The following PHYHIPL variants were observed in gnomAD, a reference collection of about 807,000 sequenced individuals.
PHYHIPL encodes the protein phytanoyl-CoA hydroxylase-interacting protein-like.
PHYHIPL carries 9 observed loss-of-function variants against 33.4 expected under a neutral mutation model. The ratio of observed to expected loss-of-function variants is 0.27; its 90% CI spans 0.16 to 0.47. PHYHIPL has a LOEUF of 0.47. Among genes scored for constraint, PHYHIPL ranks in the 20% least tolerant of loss-of-function variants. The pLI, the probability that PHYHIPL is intolerant of heterozygous loss-of-function variation, is 0.99. For synonymous variants in PHYHIPL, 153 were observed against 154.1 expected (o/e 0.99, Z 0.05); for missense variants, 365 against 460.7 (o/e 0.79, Z 1.90).
chr10:59,177,359 A>G lies in PHYHIPL; in HGVS notation c.106+400A>G, dbSNP rs538576140. 1.2e-5 allele frequency: 11 copies of G among 909,362 alleles called. No individual in the cohort carries two copies. The Admixed American group carries it at 1.3e-4, about 11-fold the overall frequency. 56.3% of individuals were successfully genotyped at this position (909,362 alleles called of 1,614,324 possible). A position where few individuals can be genotyped will look rare whatever the true frequency, so the allele number is the denominator to read the frequency against. On this transcript the variant is annotated intron_variant, in intron 1 of 4. Coordinates refer to ENST00000373880, the MANE Select transcript of PHYHIPL (RefSeq NM_032439.4). The stretch of plus-strand genomic sequence containing the variant: ...TGTTTCTAGCAACCCCCTTCCCCCA[A>G]CACACACACACTAGTTGGCATTCTC...
At position 59,176,657 on chromosome 10, in the gene PHYHIPL, C is replaced by A. The variant is rs1212631769; in HGVS notation, c.-197C>A. On this transcript the variant is annotated 5_prime_UTR_variant, in exon 1 of 5. Transcript: ENST00000373880. The stretch of plus-strand genomic sequence containing the variant: ...CTCGGTCTCTCAGAGCCGCACACTC[C>A]GCGGAGCTCCTGCCACAGCCGTCGC... The A allele has an allele frequency of 3.6e-6, 2 of 551,962 alleles. No individual in the cohort carries two copies. Among genetic ancestry groups the A allele is most frequent in the African/African-American group, 2.0e-5 (1 of 50,584 alleles). The allele number at this position is 551,962 out of a possible 1,614,324, so 34.2% of individuals were successfully genotyped here.
chr10:59,205,053 C>T (rs953101297), intron 1 of PHYHIPL, among the ~76,000 whole-genome samples: 2 of 152,112 alleles, frequency 1.3e-5, no homozygotes, highest in African/African-American at 4.8e-5. Flanking sequence ...CAGGGTTTTG[C>T]CATGTTGGCC....
intron 1 of PHYHIPL, among the ~76,000 whole-genome samples, chr10:59,178,874 T>C (rs1007834326): frequency 2.6e-5 from 4 of 152,162 alleles, no homozygotes; most frequent in Non-Finnish European, 4.4e-5. Context: ...TTATGTAACA[T>C]TTAATTTTGG....
At position 59,244,964 on chromosome 10, in the gene PHYHIPL, C is replaced by T. The variant is rs189720059; in HGVS notation, c.597-93C>T. Reference sequence around the variant, plus strand: ...GTAAGAGAGGTATTCAGGCCTTTAACAGTAGATGTTTGACTTTTAGGCCAT... The same window carrying T: ...GTAAGAGAGGTATTCAGGCCTTTAATAGTAGATGTTTGACTTTTAGGCCAT... On this transcript the variant is annotated intron_variant, in intron 4 of 4. Transcript: ENST00000373880. 1,826 of 1,320,792 alleles carry T rather than the reference C, an allele frequency of 1.4e-3. 7 individuals are homozygous for T. The highest frequency in any genetic ancestry group is 1.7e-3 in the Non-Finnish European group (1,628 of 971,062). 81.8% of individuals were successfully genotyped at this position (1,320,792 alleles called of 1,614,324 possible).
chr10:59,191,285 AT>A (rs1358957087), intron 1 of PHYHIPL, among the ~76,000 whole-genome samples: 1 of 151,880 alleles, frequency 6.6e-6, no homozygotes. Flanking sequence ...TGCGATGAAT[AT>A]TTTTTGTATT....
At chr10:59,215,835 GA>G (rs55657842) in intron 1 of PHYHIPL, among the ~76,000 whole-genome samples, 111,365 of 148,606 alleles carry the variant, frequency 0.75, 43,341 homozygotes, top group East Asian at 0.88. Context: ...AGCCTTCATA[GA>G]AAAAAAAAAA....
chr10:59,212,848 T>A (rs1305020916), intron 1 of PHYHIPL, among the ~76,000 whole-genome samples: 2 of 152,142 alleles, frequency 1.3e-5, no homozygotes, highest in African/African-American at 2.4e-5. Flanking sequence ...CTAATGATAG[T>A]CACCCCAGTC....
In PHYHIPL at chr10:59,245,389, T is replaced by G; in HGVS notation, c.929T>G (p.Phe310Cys). Reference protein sequence around the residue: ...LPQLNSKDNKFLTCTEEDGVL... With the variant: ...LPQLNSKDNKCLTCTEEDGVL... The stretch of plus-strand genomic sequence containing the variant: ...CAACTAAATTCTAAGGATAATAAAT[T>G]TTTGACCTGTACAGAAGAAGATGGG... The change falls in exon 5 of 5, where the codon TTT (phenylalanine) becomes TGT (cysteine). Residue 310 changes from phenylalanine (F) to cysteine (C), a missense_variant. Phe to Cys is a radical substitution (Grantham distance 205, BLOSUM62 -2). Coordinates refer to ENST00000373880, the MANE Select transcript of PHYHIPL (RefSeq NM_032439.4). The G allele has an allele frequency of 6.2e-7, 1 of 1,614,102 alleles. No homozygotes were observed. Among genetic ancestry groups the G allele is most frequent in the Non-Finnish European group, 8.5e-7 (1 of 1,180,022 alleles).
At chr10:59,186,459 G>A (rs1028630610) in intron 1 of PHYHIPL, among the ~76,000 whole-genome samples, 55 of 152,030 alleles carry the variant, frequency 3.6e-4, no homozygotes, top group Non-Finnish European at 3.4e-4. Flanking sequence ...GCTCTTTTTT[G>A]GTTCCATATG....
intron 1 of PHYHIPL, among the ~76,000 whole-genome samples, chr10:59,231,456 G>GA (rs1289558174): frequency 2.6e-5 from 4 of 152,008 alleles, no homozygotes; most frequent in African/African-American, 9.7e-5. Context: ...CTGATAACCA[G>GA]ACAAGAATTC....
chr10:59,227,954 A>G (rs1839973151), intron 1 of PHYHIPL, among the ~76,000 whole-genome samples: 1 of 151,396 alleles, frequency 6.6e-6, no homozygotes, highest in African/African-American at 2.4e-5. Flanking sequence ...ATAAAATAAG[A>G]TTTTAATTTT....
At chr10:59,218,511 T>C (rs530229241) in intron 1 of PHYHIPL, among the ~76,000 whole-genome samples, 3 of 152,282 alleles carry the variant, frequency 2.0e-5, no homozygotes, top group East Asian at 3.9e-4. Context: ...GAAGAATCTG[T>C]GGCCTTTACA....
chr10:59,215,277 A>G (rs1839583723), intron 1 of PHYHIPL, among the ~76,000 whole-genome samples: 1 of 152,032 alleles, frequency 6.6e-6, no homozygotes, highest in South Asian at 2.1e-4. Flanking sequence ...ATTGCCTTCT[A>G]ATGGGTTATC....
chr10:59,224,420 A>C, intron 1 of PHYHIPL, among the ~76,000 whole-genome samples: 1 of 151,840 alleles, frequency 6.6e-6, no homozygotes. Flanking sequence ...GTGCCTCTGC[A>C]CTCCAGCCTG....
intron 1 of PHYHIPL, among the ~76,000 whole-genome samples, chr10:59,187,692 G>C (rs966947433): frequency 6.6e-6 from 1 of 152,090 alleles, no homozygotes; most frequent in African/African-American, 2.4e-5. Context: ...GTTTAGTCTT[G>C]GGAGGGTGTA....
Position 59,245,496 on chromosome 10 carries a change from G to A in PHYHIPL, c.1036G>A (p.Ala346Thr). The A allele has an allele frequency of 1.2e-6, 2 of 1,614,130 alleles. No homozygotes were observed. Among genetic ancestry groups the A allele is most frequent in the Non-Finnish European group, 1.7e-6 (2 of 1,180,014 alleles). Residue 346 changes from alanine (A) to threonine (T), a missense_variant, in exon 5 of 5, where the codon GCA (alanine) becomes ACA (threonine). Coordinates refer to ENST00000373880, the MANE Select transcript of PHYHIPL (RefSeq NM_032439.4). ...TGTGGATCTTTCTGTGGGCACCGTG[G>A]CAGAAATCACTGGTCATCAGCTCAT... ...DPVDLSVGTV[A>T]EITGHQLMSL...
chr10:59,215,264 A>G (rs2436569), intron 1 of PHYHIPL, among the ~76,000 whole-genome samples: 115,236 of 151,878 alleles, frequency 0.76, 45,499 homozygotes, highest in East Asian at 0.9. Flanking sequence ...TACAGAAAAG[A>G]TCATTGCCTT....
At chr10:59,243,128 G>GAA (rs60177214) in intron 4 of PHYHIPL, among the ~76,000 whole-genome samples, 1,402 of 137,874 alleles carry the variant, frequency 0.01, 5 homozygotes, top group Admixed American at 0.022. Flanking sequence ...CAGGCCAAAG[G>GAA]AAAAAAAAAA....
intron 1 of PHYHIPL, among the ~76,000 whole-genome samples, chr10:59,231,468 A>C (rs1840077071): frequency 6.6e-6 from 1 of 152,112 alleles, no homozygotes; most frequent in Non-Finnish European, 1.5e-5. Context: ...CAAGAATTCC[A>C]GCCAAAAACA....
Sources: allele counts gnomAD v4.1 joint callset (sites outside exome capture counted in the v4.1 genomes callset), GRCh38; gene constraint gnomAD v4.1.1; transcripts MANE v1.5; gene names NCBI Gene and HGNC (gene_info 2026-07-23, HGNC 2026-07-21).